Variants in MARCHF1 observed in about 807,000 individuals in gnomAD.
MARCHF1 encodes the protein membrane associated ring-CH-type finger 1.
In MARCHF1, 40 loss-of-function variants were observed where a neutral mutation model predicts 54.2. That is an observed-to-expected ratio of 0.74 (90% CI 0.57 to 0.96). MARCHF1 has a LOEUF of 0.96. MARCHF1 is among the 40% of genes least tolerant of loss of function. The pLI is 0.00. For synonymous variants in MARCHF1, 236 were observed against 236.3 expected (o/e 1.00, Z 0.01); for missense variants, 586 against 656.5 (o/e 0.89, Z 1.17).
intron 4 of MARCHF1, among the ~76,000 whole-genome samples, chr4:163,727,563 C>A (rs897532832): frequency 1.4e-4 from 22 of 152,222 alleles, no homozygotes; most frequent in African/African-American, 5.3e-4. Context: ...CCTCGGCCTC[C>A]CAAAGTGCTG....
intron 8 of MARCHF1, among the ~76,000 whole-genome samples, chr4:163,557,473 C>T (rs1260028688): frequency 2.0e-5 from 3 of 149,498 alleles, no homozygotes; most frequent in African/African-American, 7.4e-5. Context: ...CTTTGGGAGC[C>T]CATGCCAAGG....
chr4:164,074,012 G>A (rs137983110), intron 2 of MARCHF1, among the ~76,000 whole-genome samples: 25 of 152,274 alleles, frequency 1.6e-4, no homozygotes, highest in African/African-American at 5.3e-4. Context: ...CACCATGTTT[G>A]CCAGGATGGT....
At chr4:164,227,007 C>T (rs983003472) in intron 1 of MARCHF1, among the ~76,000 whole-genome samples, 1 of 152,078 alleles carries the variant, frequency 6.6e-6, no homozygotes, top group African/African-American at 2.4e-5. Context: ...CACATTTTTA[C>T]AGGCATATTA....
intron 4 of MARCHF1, among the ~76,000 whole-genome samples, chr4:163,703,590 GGCACCCAA>G (rs967942959): frequency 1.3e-5 from 2 of 151,814 alleles, no homozygotes; most frequent in Admixed American, 1.3e-4. Context: ...ATAACTTACT[GGCACCCAA>G]ATTATAGTGA....
At chr4:163,696,498 C>A (rs988483102) in intron 5 of MARCHF1, among the ~76,000 whole-genome samples, 1 of 152,110 alleles carries the variant, frequency 6.6e-6, no homozygotes, top group Admixed American at 6.5e-5. Context: ...CACCAAGACT[C>A]TCATGAACTT....
At chr4:163,643,153 A>T (rs1426968873) in intron 5 of MARCHF1, among the ~76,000 whole-genome samples, 2 of 112,950 alleles carry the variant, frequency 1.8e-5, no homozygotes, top group Admixed American at 9.2e-5. Context: ...TATCTACTAT[A>T]AATACAAAAA....
intron 4 of MARCHF1, among the ~76,000 whole-genome samples, chr4:163,712,633 T>C (rs944973561): frequency 2.6e-5 from 4 of 152,196 alleles, no homozygotes; most frequent in African/African-American, 9.6e-5. Flanking sequence ...AATATGTAAA[T>C]AAATGAGATG....
At chr4:163,636,286 G>T (rs1468069577) in intron 5 of MARCHF1, among the ~76,000 whole-genome samples, 2 of 149,104 alleles carry the variant, frequency 1.3e-5, no homozygotes, top group Non-Finnish European at 3.0e-5. Flanking sequence ...ATTCAATTAG[G>T]AAAAGAGGAA....
At chr4:163,794,601 C>A (rs528980345) in intron 4 of MARCHF1, among the ~76,000 whole-genome samples, 109 of 152,212 alleles carry the variant, frequency 7.2e-4, no homozygotes, top group Non-Finnish European at 1.1e-3. Context: ...GGTCACAGGG[C>A]TTTTTATTCA....
chr4:164,126,252 T>G (rs1469684945), intron 1 of MARCHF1, among the ~76,000 whole-genome samples: 1 of 152,160 alleles, frequency 6.6e-6, no homozygotes, highest in African/African-American at 2.4e-5. Context: ...ATGAGATTAA[T>G]GATGTTATAA....
intron 5 of MARCHF1, among the ~76,000 whole-genome samples, chr4:163,688,053 A>G (rs893959598): frequency 6.6e-6 from 1 of 152,198 alleles, no homozygotes; most frequent in African/African-American, 2.4e-5. Context: ...CACATTAATT[A>G]TATTAACAAC....
chr4:163,821,877 A>T (rs1337550831), intron 4 of MARCHF1, among the ~76,000 whole-genome samples: 1 of 151,718 alleles, frequency 6.6e-6, no homozygotes, highest in Non-Finnish European at 1.5e-5. Context: ...CTATCTGTGG[A>T]TTTGGTGTCA....
chr4:163,718,001 A>G (rs1174631436), intron 4 of MARCHF1, among the ~76,000 whole-genome samples: 1 of 152,236 alleles, frequency 6.6e-6, no homozygotes, highest in Non-Finnish European at 1.5e-5. Flanking sequence ...AATGCCACAT[A>G]GCTACAACTA....
intron 4 of MARCHF1, among the ~76,000 whole-genome samples, chr4:163,733,258 T>TACACATGTATATATATACACAC: frequency 2.2e-5 from 1 of 45,066 alleles, no homozygotes; most frequent in East Asian, 3.9e-4. Flanking sequence ...TATATATATA[T>TACACATGTATATATATACACAC]ACACACACAC....
intron 9 of MARCHF1, 58 bp downstream of exon 9, chr4:163,545,538 C>T: frequency 6.5e-7 from 1 of 1,539,922 alleles, no homozygotes; most frequent in African/African-American, 1.4e-5. Flanking sequence ...ACTTCCCTAT[C>T]CACCTCTGAG....
intron 1 of MARCHF1, among the ~76,000 whole-genome samples, chr4:164,274,340 T>A (rs1351512825): frequency 1.2e-4 from 18 of 152,230 alleles, no homozygotes; most frequent in Non-Finnish European, 2.1e-4. Context: ...ATTGTTTCAA[T>A]ATCTATATCA....
In MARCHF1 at chr4:164,234,599, G is replaced by A. The variant is rs1266987146; in HGVS notation, c.-322-122937C>T. On this transcript the variant is annotated intron_variant, in intron 1 of 9. Transcript: ENST00000514618. The stretch of plus-strand genomic sequence containing the variant: ...TAAAGGAAACAGTGAAAGATAAATG[G>A]GATGAAATCTTATAATGGATTGACT... 4.6e-5 allele frequency among the ~76,000 whole-genome samples: 7 copies of A among 151,928 alleles called. No homozygotes were observed. In the East Asian group the frequency reaches 1.3e-3, roughly 29 times the overall value.
At chr4:164,226,594 A>G (rs1331781486) in intron 1 of MARCHF1, among the ~76,000 whole-genome samples, 1 of 152,106 alleles carries the variant, frequency 6.6e-6, no homozygotes, top group Non-Finnish European at 1.5e-5. Flanking sequence ...AAAGATATGT[A>G]ATATTTATAT....
chr4:164,237,100 T>C (rs144488735), intron 1 of MARCHF1, among the ~76,000 whole-genome samples: 1 of 152,344 alleles, frequency 6.6e-6, no homozygotes, highest in East Asian at 1.9e-4. Flanking sequence ...TCCTTGACCA[T>C]GCCATGTCTT....
Sources: gnomAD v4.1 joint callset for allele counts (sites outside exome capture counted in the v4.1 genomes callset) on GRCh38, gnomAD v4.1.1 for gene constraint, MANE v1.5 for transcripts, NCBI Gene and HGNC (gene_info 2026-07-23, HGNC 2026-07-21) for gene names.